The following MKI67 variants were observed in gnomAD, a reference collection of about 807,000 sequenced individuals.
MKI67 encodes the protein proliferation marker protein Ki-67.
MKI67 carries 152 observed loss-of-function variants against 233.5 expected under a neutral mutation model. The observed-to-expected ratio is 0.65, with a 90% CI of 0.57 to 0.74. The LOEUF is 0.74. MKI67 is among the 30% of genes least tolerant of loss of function. The probability of loss-of-function intolerance (pLI) is 0.00; values close to 1 mark genes in which losing one functional copy is unlikely to be tolerated. For synonymous variants in MKI67, 1,465 were observed against 1,418.5 expected (o/e 1.03, Z -0.74); for missense variants, 3,940 against 3,885.2 (o/e 1.01, Z -0.37).
intron 7 of MKI67, among the ~76,000 whole-genome samples, chr10:128,114,472 A>C (rs966661691): frequency 6.6e-6 from 1 of 152,226 alleles, no homozygotes; most frequent in African/African-American, 2.4e-5. Context: ...AATTGTTTGT[A>C]GGACACTCTG....
intron 5 of MKI67, among the ~76,000 whole-genome samples, chr10:128,118,338 G>A (rs1165790743): frequency 6.6e-6 from 1 of 150,640 alleles, no homozygotes; most frequent in Non-Finnish European, 1.5e-5. Context: ...GGAGGTTGCA[G>A]TGAGCCAAGA....
In MKI67 at chr10:128,105,169, G is replaced by A. The variant is rs1444734194; in HGVS notation, c.6671C>T (p.Pro2224Leu). Residue 2224 changes from proline (P) to leucine (L), a missense_variant, in exon 13 of 15, where the codon CCA (proline) becomes CTA (leucine). Pro to Leu is a moderately conservative substitution (Grantham distance 98, BLOSUM62 -3). Transcript: ENST00000368654. ...EKTTKIACRS[P>L]QPDPVGTPTI... Reference sequence around the variant, plus strand: ...TGGGGTACCCACTGGGTCTGGTTGTGGAGATCTGCAGGCTATTTTGGTAGT... The same window carrying A: ...TGGGGTACCCACTGGGTCTGGTTGTAGAGATCTGCAGGCTATTTTGGTAGT... 6.2e-7 allele frequency: 1 copy of A among 1,613,678 alleles called. No individual in the cohort carries two copies.
Position 128,116,005 on chromosome 10 carries a change from C to T in MKI67, c.403G>A (p.Glu135Lys). The change falls in exon 7 of 15, where the codon GAG becomes AAG. Residue 135 changes from glutamate to lysine, a missense_variant and splice_region_variant. By Grantham distance (56) the Glu-to-Lys change is moderately conservative. Coordinates refer to ENST00000368654, the MANE Select transcript of MKI67 (RefSeq NM_002417.5). The part of the protein sequence containing the change: ...SRSSFSSDPD[E>K]KAQDSKAYSK... The stretch of plus-strand genomic sequence containing the variant: ...TAGGCCTTGGAATCTTGAGCTTTCT[C>T]ATCTTGGCAATGAATTATGAAATAA... 6.4e-7 allele frequency: 1 copy of T among 1,568,794 alleles called. No homozygotes were observed. The highest frequency in any genetic ancestry group is 8.6e-7 in the Non-Finnish European group (1 of 1,162,586).
Position 128,106,307 on chromosome 10 carries a change from C to T in MKI67, c.5533G>A (p.Asp1845Asn), listed in dbSNP as rs147385326. The part of the protein sequence containing the change: ...FRELFQTPCT[D>N]NPTTDEKTTK... ...GTTTTCTCATCAGTCGTGGGGTTAT[C>T]AGTGCATGGTGTCTGGAAAAGCTCT... The change falls in exon 13 of 15, where the codon GAT becomes AAT. Residue 1845 changes from aspartate to asparagine, a missense_variant. Physicochemically the swap from Asp to Asn is conservative, Grantham distance 23. Transcript: ENST00000368654. 6.8e-6 allele frequency: 11 copies of T among 1,612,470 alleles called. No homozygotes were observed. The highest frequency in any genetic ancestry group is 1.7e-4 in the Middle Eastern group (1 of 6,040).
rs114382167 is a variant in MKI67 at position 128,112,080 on chromosome 10, T to C, written c.1970-35A>G. The C allele has an allele frequency of 3.7e-3, 5,953 of 1,605,926 alleles. 207 individuals are homozygous for C. In the African/African-American group the frequency reaches 0.073, roughly 20 times the overall value. ...GGAAAAGACGAAACTTTTCAAAAAT[T>C]AGCATTCATGAAAAAATTCACCTTA... On this transcript the variant is annotated intron_variant, in intron 9 of 14. Coordinates refer to ENST00000368654, the MANE Select transcript of MKI67 (RefSeq NM_002417.5).
rs1853039702 is a variant in MKI67, at chr10:128,125,641, AG to A, written c.26del (p.Thr9IlefsTer14). On this transcript the variant is annotated frameshift_variant, in exon 2 of 15. Coordinates refer to ENST00000368654, the MANE Select transcript of MKI67 (RefSeq NM_002417.5). LOFTEE classifies it high-confidence loss of function. The surrounding 1 kb of genome is among the most constrained non-coding windows in gnomAD (Gnocchi z 5.3). ...GACCGTCGACCCCGCTCCTTTTGAT[AG>A]TAACCAGGCGTCTCGTGGGCCACAT... MWPTRRLV[T>X]IKRSGVDGPH... The A allele has an allele frequency of 6.2e-7, 1 of 1,613,712 alleles. No individual in the cohort carries two copies. Among genetic ancestry groups the A allele is most frequent in the South Asian group, 1.1e-5 (1 of 91,078 alleles).
At position 128,107,590 on chromosome 10, in the gene MKI67, G is replaced by A. The variant is rs779789659; in HGVS notation, c.4250C>T (p.Thr1417Ile). ...LKKLTQTSGE[T>I]THTDKVPGGE... ...TCCTGGTACTTTATCTGTGTGTGTG[G>A]TTTCCCCTGATGTCTGTGTGAGCTT... Residue 1417 changes from threonine (T) to isoleucine (I), a missense_variant, in exon 13 of 15, where the codon ACC becomes ATC. Coordinates refer to ENST00000368654, the MANE Select transcript of MKI67 (RefSeq NM_002417.5). 6.2e-7 allele frequency: 1 copy of A among 1,614,064 alleles called. No homozygotes were observed. Among genetic ancestry groups the A allele is most frequent in the Admixed American group, 1.7e-5 (1 of 60,026 alleles).
rs143377210 is a variant in MKI67, at chr10:128,104,013, C to A, written c.7827G>T (p.Arg2609Ser). ...CTGAGAGCTCCTCTTTTACTTCTTT[C>A]CTGGGACGTGTCTTGGGGCATCTCT... ...STKRCPKTRP[R>S]KEVKEELSAV... The change falls in exon 13 of 15, where the codon AGG becomes AGT. Residue 2609 changes from arginine (R) to serine (S), a missense_variant. Arg to Ser is a moderately radical substitution (Grantham distance 110). Coordinates refer to ENST00000368654, the MANE Select transcript of MKI67 (RefSeq NM_002417.5). 6.2e-7 allele frequency: 1 copy of A among 1,613,914 alleles called. No individual in the cohort carries two copies. Among genetic ancestry groups the A allele is most frequent in the Non-Finnish European group, 8.5e-7 (1 of 1,180,032 alleles).
In MKI67 at chr10:128,116,520, A is replaced by G; in HGVS notation, c.371T>C (p.Val124Ala). The G allele has an allele frequency of 6.2e-7, 1 of 1,614,102 alleles. No individual in the cohort carries two copies. Among genetic ancestry groups the G allele is most frequent in the Non-Finnish European group, 8.5e-7 (1 of 1,179,938 alleles). The stretch of plus-strand genomic sequence containing the variant: ...GTCAGAAGAGAAGCTAGATCTTGAG[A>G]CACGACGTGCTGGCTCCTGTAAGTT... ...KIREQEPARR[V>A]SRSSFSSDPD... Residue 124 changes from valine (V) to alanine (A), a missense_variant, in exon 6 of 15, where the codon GTC becomes GCC. Physicochemically the swap from Val to Ala is moderately conservative, Grantham distance 64. Transcript: ENST00000368654.
chr10:128,104,737 T>C lies in MKI67; in HGVS notation c.7103A>G (p.Asp2368Gly), dbSNP rs1401857536. The C allele has an allele frequency of 1.2e-6, 2 of 1,613,868 alleles. No individual in the cohort carries two copies. Among genetic ancestry groups the C allele is most frequent in the East Asian group, 2.2e-5 (1 of 44,856 alleles). ...QRPKRNLRKA[D>G]VEEEFLALRK... ...GAGTGCTAAAAATTCTTCCTCTACG[T>C]CTGCTTTCCTGAGGTTTCTCTTGGG... Residue 2368 changes from aspartate (D) to glycine (G), a missense_variant, in exon 13 of 15, where the codon GAC (aspartate) becomes GGC (glycine). Physicochemically the swap from Asp to Gly is moderately conservative, Grantham distance 94 (BLOSUM62 -1). Transcript: ENST00000368654.
rs1852527172 is a variant in MKI67 at position 128,107,298 on chromosome 10, A to T, written c.4542T>A (p.Ser1514Arg). 2 of 1,612,968 alleles carry T rather than the reference A, an allele frequency of 1.2e-6. No individual in the cohort carries two copies. The highest frequency in any genetic ancestry group is 2.2e-5 in the South Asian group (2 of 91,030). Residue 1514 changes from serine (S) to arginine (R), a missense_variant, in exon 13 of 15, where the codon AGT becomes AGA. Coordinates refer to ENST00000368654, the MANE Select transcript of MKI67 (RefSeq NM_002417.5). ...PTSSKPQSKR[S>R]LRKVDVEEEF... ...CTTCTTCTACGTCCACTTTCCTGAG[A>T]CTTCTCTTGGACTGTGGCTTGGAGC...
intron 4 of MKI67, among the ~76,000 whole-genome samples, chr10:128,121,455 C>CTATATGGTA (rs986077651): frequency 7.8e-6 from 1 of 128,966 alleles, no homozygotes; most frequent in African/African-American, 2.9e-5. Flanking sequence ...ACAGTATATA[C>CTATATGGTA]TATATGGTAT....
intron 4 of MKI67, among the ~76,000 whole-genome samples, chr10:128,121,781 T>C (rs1373202945): frequency 1.3e-5 from 2 of 151,500 alleles, no homozygotes; most frequent in Non-Finnish European, 2.9e-5. Flanking sequence ...ATGTATATTA[T>C]TGTATATATT....
At position 128,105,207 on chromosome 10, in the gene MKI67, C is replaced by T. The variant is rs377502553; in HGVS notation, c.6633G>A (p.Thr2211=). 51 of 1,613,202 alleles carry T rather than the reference C, an allele frequency of 3.2e-5. No homozygotes were observed. Among genetic ancestry groups the T allele is most frequent in the Admixed American group, 5.0e-5 (3 of 59,914 alleles). Residue 2211 remains threonine (T), a synonymous_variant, in exon 13 of 15, where the codon ACG becomes ACA. Coordinates refer to ENST00000368654, the MANE Select transcript of MKI67 (RefSeq NM_002417.5). ...FQTPICTDKP[T]THEKTTKIAC... is the part of the protein sequence containing the mutation. Reference sequence around the variant, plus strand: ...CTATTTTGGTAGTTTTCTCATGAGTCGTGGGCTTGTCAGTGCATATTGGTG... The same window carrying T: ...CTATTTTGGTAGTTTTCTCATGAGTTGTGGGCTTGTCAGTGCATATTGGTG...
rs1358043204 is a variant in MKI67, at chr10:128,105,320, C to T, written c.6520G>A (p.Val2174Ile). Residue 2174 changes from valine to isoleucine, a missense_variant, in exon 13 of 15, where the codon GTA (valine) becomes ATA (isoleucine). Coordinates refer to ENST00000368654, the MANE Select transcript of MKI67 (RefSeq NM_002417.5). ...AKQKLDPAAS[V>I]TGSKRQPRTP... Reference sequence around the variant, plus strand: ...CTTGGCTGCCTCTTGCTACCAGTTACACTTGCTGCTGGGTCCAGTTTCTGT... The same window carrying T: ...CTTGGCTGCCTCTTGCTACCAGTTATACTTGCTGCTGGGTCCAGTTTCTGT... 2 of 1,614,018 alleles carry T rather than the reference C, an allele frequency of 1.2e-6. No homozygotes were observed.
In MKI67 at chr10:128,125,949, A is replaced by ATACG; in HGVS notation, c.-90+149_-90+150insCGTA. 3.1e-6 allele frequency: 1 copy of ATACG among 325,244 alleles called. No individual in the cohort carries two copies. Among genetic ancestry groups the ATACG allele is most frequent in the Non-Finnish European group, 5.7e-6 (1 of 176,632 alleles). 20.1% of individuals were successfully genotyped at this position (325,244 alleles called of 1,614,324 possible). ...GTCGCCAGCGCCTGCGCCTCCTGGG[A>ATACG]GCTTCCACCGAGACGCCCTCGCCAG... is the stretch of plus-strand genomic sequence containing the variant. On this transcript the variant is annotated intron_variant, in intron 1 of 14. Transcript: ENST00000368654. The surrounding 1 kb of genome is among the most constrained non-coding windows in gnomAD (Gnocchi z 5.3).
At chr10:128,116,151 T>G (rs1030743867) in intron 6 of MKI67, 144 bp from the exon 7 acceptor site, 8 of 900,506 alleles carry the variant, frequency 8.9e-6, no homozygotes, top group Non-Finnish European at 1.3e-5. Flanking sequence ...TGCCTAAAAC[T>G]TGCAAGTCTT....
rs1002594283 is a variant in MKI67 at position 128,104,158 on chromosome 10, T to C, written c.7682A>G (p.Asp2561Gly). ...TGGTGCTGAGAAGAGCTCTTTGAAG[T>C]CAACCAGGTCTTCTAGAGCACGGGC... ...EKARALEDLV[D>G]FKELFSAPGH... is the part of the protein sequence containing the mutation. The change falls in exon 13 of 15, where the codon GAC (aspartate) becomes GGC (glycine). Residue 2561 changes from aspartate (D) to glycine (G), a missense_variant. Physicochemically the swap from Asp to Gly is moderately conservative, Grantham distance 94. Transcript: ENST00000368654. The C allele has an allele frequency of 6.2e-7, 1 of 1,613,582 alleles. No individual in the cohort carries two copies. Among genetic ancestry groups the C allele is most frequent in the Admixed American group, 1.7e-5 (1 of 59,972 alleles).
At position 128,107,764 on chromosome 10, in the gene MKI67, G is replaced by A; in HGVS notation, c.4076C>T (p.Thr1359Ile). The A allele has an allele frequency of 8.7e-6, 14 of 1,613,918 alleles. No homozygotes were observed. Among genetic ancestry groups the A allele is most frequent in the Non-Finnish European group, 1.2e-5 (14 of 1,179,990 alleles). ...FKELFQTPGH[T>I]EEAVAAGKTT... ...TTTGCCAGCAGCCACTGCTTCTTCA[G>A]TATGACCAGGGGTCTGGAAGAGCTC... The change falls in exon 13 of 15, where the codon ACT (threonine) becomes ATT (isoleucine). Residue 1359 changes from threonine (T) to isoleucine (I), a missense_variant. Coordinates refer to ENST00000368654, the MANE Select transcript of MKI67 (RefSeq NM_002417.5).
Sources: gnomAD v4.1 joint callset for allele counts (sites outside exome capture counted in the v4.1 genomes callset) on GRCh38, gnomAD v4.1.1 for gene constraint, Gnocchi (gnomAD v3.1) non-coding constraint, MANE v1.5 for transcripts, NCBI Gene and HGNC (gene_info 2026-07-23, HGNC 2026-07-21) for gene names.